ANTXR1: variants seen among roughly 807,000 people sequenced by gnomAD.
ANTXR1 encodes the protein anthrax toxin receptor 1.
Under a neutral mutation model 78.1 loss-of-function variants are expected in ANTXR1, and 19 were observed. The ratio of observed to expected loss-of-function variants is 0.24; its 90% confidence interval spans 0.17 to 0.36. The LOEUF is 0.36. ANTXR1 is among the 10% of genes least tolerant of loss of function. The pLI, the probability that ANTXR1 is intolerant of heterozygous loss-of-function variation, is 1.00. For synonymous variants in ANTXR1, 273 were observed against 260.5 expected (o/e 1.05, Z -0.46); for missense variants, 518 against 718.6 (o/e 0.72, Z 3.19).
At chr2:69,212,330 G>A (rs1229588124) in intron 17 of ANTXR1, among the ~76,000 whole-genome samples, 3 of 152,122 alleles carry the variant, frequency 2.0e-5, no homozygotes, top group Non-Finnish European at 2.9e-5. Context: ...GTAGGTAAGA[G>A]GCAAAGCCCA....
At chr2:69,226,967 T>C (rs1425848205) in intron 17 of ANTXR1, among the ~76,000 whole-genome samples, 5 of 152,146 alleles carry the variant, frequency 3.3e-5, no homozygotes, top group African/African-American at 9.7e-5. Context: ...ATTTAATTAG[T>C]GCAGGCTGGA....
chr2:69,247,669 G>A lies in ANTXR1; in HGVS notation c.*2184G>A, dbSNP rs1331986192. On this transcript the variant is annotated 3_prime_UTR_variant, in exon 18 of 18. Coordinates refer to ENST00000303714, the MANE Select transcript of ANTXR1 (RefSeq NM_032208.3). ...TTCCATAGGAGAATGGGTTCCCCAG[G>A]CTCACAGTGTAGAGACATTGAGCCC... The A allele has an allele frequency of 6.6e-6, 1 of 152,532 alleles. No homozygotes were observed. Among genetic ancestry groups the A allele is most frequent in the African/African-American group, 2.4e-5 (1 of 41,386 alleles). 9.4% of individuals were successfully genotyped at this position (152,532 alleles called of 1,614,324 possible).
intron 17 of ANTXR1, among the ~76,000 whole-genome samples, chr2:69,237,649 G>A (rs1406688691): frequency 6.6e-6 from 1 of 152,138 alleles, no homozygotes; most frequent in Admixed American, 6.5e-5. Flanking sequence ...TCTAACTCCT[G>A]GGCTAAAGTG....
At chr2:69,035,083 G>C (rs1385205638) in intron 1 of ANTXR1, among the ~76,000 whole-genome samples, 1 of 152,066 alleles carries the variant, frequency 6.6e-6, no homozygotes, top group East Asian at 1.9e-4. Flanking sequence ...GTGCAGGTGA[G>C]ACATACGTGT....
chr2:69,165,665 T>G (rs1673806921), intron 13 of ANTXR1, among the ~76,000 whole-genome samples: 1 of 152,248 alleles, frequency 6.6e-6, no homozygotes, highest in South Asian at 2.1e-4. Context: ...ACTCGCGGCT[T>G]CAAACGGAAC....
At chr2:69,090,711 G>A in intron 8 of ANTXR1, 148 bp from the exon 9 acceptor site, 1 of 713,298 alleles carries the variant, frequency 1.4e-6, no homozygotes, top group Non-Finnish European at 2.5e-6. Context: ...ATTGGTACTA[G>A]TCAAGATGTT....
chr2:69,101,541 C>T (rs541659275), intron 9 of ANTXR1, among the ~76,000 whole-genome samples: 45 of 152,198 alleles, frequency 3.0e-4, no homozygotes, highest in Non-Finnish European at 4.0e-4. Context: ...GCCTGGCTCA[C>T]ATTGAGGGAG....
intron 9 of ANTXR1, among the ~76,000 whole-genome samples, chr2:69,100,641 CAA>C (rs558095384): frequency 2.4e-4 from 36 of 152,278 alleles, no homozygotes; most frequent in African/African-American, 8.7e-4. Flanking sequence ...TTTGAGGAAA[CAA>C]GAGAAGTAGG....
At chr2:69,240,387 T>A (rs1439554364) in intron 17 of ANTXR1, among the ~76,000 whole-genome samples, 1 of 152,192 alleles carries the variant, frequency 6.6e-6, no homozygotes, top group African/African-American at 2.4e-5. Flanking sequence ...GAACAAATAT[T>A]TGTGGAGGGC....
intron 17 of ANTXR1, among the ~76,000 whole-genome samples, chr2:69,230,932 T>C (rs758057938): frequency 1.3e-5 from 2 of 152,208 alleles, no homozygotes; most frequent in Non-Finnish European, 2.9e-5. Flanking sequence ...CCAATAGTTA[T>C]CTCTTTTGCT....
chr2:69,222,196 G>A (rs1012102009), intron 17 of ANTXR1, among the ~76,000 whole-genome samples: 1 of 152,138 alleles, frequency 6.6e-6, no homozygotes, highest in African/African-American at 2.4e-5. Context: ...CATTCTCCTT[G>A]TCTAGTGATC....
chr2:69,056,001 A>G (rs1487399182), intron 3 of ANTXR1, among the ~76,000 whole-genome samples: 12 of 152,226 alleles, frequency 7.9e-5, no homozygotes, highest in Admixed American at 7.2e-4. Context: ...ATGAATTAAC[A>G]TATGGAAAGC....
rs140702554 is a variant in ANTXR1, at chr2:69,019,693, G to T, written c.152+6042G>T. ...TTTCATCACCGAGGTATCAAGCCTA[G>T]TACCCATTAGTTATTTTTCCTGATC... On this transcript the variant is annotated intron_variant, in intron 1 of 17. Transcript: ENST00000303714. Among the ~76,000 whole-genome samples the T allele has an allele frequency of 6.7e-3, 1,015 of 152,196 alleles. 11 individuals carry two copies. Among genetic ancestry groups the T allele is most frequent in the African/African-American group, 0.023 (972 of 41,508 alleles).
intron 10 of ANTXR1, among the ~76,000 whole-genome samples, chr2:69,111,151 A>AT (rs1363426042): frequency 1.3e-5 from 2 of 152,222 alleles, no homozygotes; most frequent in East Asian, 3.8e-4. Context: ...TAAGTTTAAC[A>AT]TTTGGTTAGT....
At chr2:69,156,410 C>T (rs1673525633) in intron 13 of ANTXR1, among the ~76,000 whole-genome samples, 1 of 152,200 alleles carries the variant, frequency 6.6e-6, no homozygotes, top group Non-Finnish European at 1.5e-5. Flanking sequence ...TTTCCACTGG[C>T]TTCCTCCCTC....
chr2:69,224,862 T>A (rs1675402761), intron 17 of ANTXR1, among the ~76,000 whole-genome samples: 1 of 152,212 alleles, frequency 6.6e-6, no homozygotes, highest in Admixed American at 6.5e-5. Context: ...GTGACTAACA[T>A]ATGAAAAGAA....
intron 1 of ANTXR1, among the ~76,000 whole-genome samples, chr2:69,023,900 A>G (rs1321728471): frequency 6.6e-6 from 1 of 152,234 alleles, no homozygotes; most frequent in African/African-American, 2.4e-5. Context: ...TAGGAAAGCA[A>G]ACTAACACAT....
chr2:69,221,385 C>T (rs1675315326), intron 17 of ANTXR1, among the ~76,000 whole-genome samples: 1 of 152,164 alleles, frequency 6.6e-6, no homozygotes. Context: ...TTCAGTTCTC[C>T]AGATTAAGCC....
At chr2:69,050,779 A>G (rs1669908137) in intron 3 of ANTXR1, among the ~76,000 whole-genome samples, 2 of 152,118 alleles carry the variant, frequency 1.3e-5, no homozygotes, top group Admixed American at 6.5e-5. Flanking sequence ...GCTCTTCTGT[A>G]TCTTTGGTTA....
Sources: allele counts gnomAD v4.1 joint callset (sites outside exome capture counted in the v4.1 genomes callset), GRCh38; gene constraint gnomAD v4.1.1; transcripts MANE v1.5; gene names NCBI Gene and HGNC (gene_info 2026-07-23, HGNC 2026-07-21).